Variants in MCC observed in about 807,000 individuals in gnomAD.
MCC encodes the protein colorectal mutant cancer protein.
MCC carries 90 observed loss-of-function variants against 116.2 expected under a neutral mutation model. The observed-to-expected ratio is 0.77, with a 90% CI of 0.65 to 0.92. The LOEUF (loss-of-function observed/expected upper bound fraction) is 0.92, where lower values mean the gene tolerates loss of function less well. Ranked by LOEUF, MCC falls within the 40% of genes least tolerant of loss-of-function variation. The probability of loss-of-function intolerance (pLI) is 0.00; values close to 1 mark genes in which losing one functional copy is unlikely to be tolerated. For synonymous variants in MCC, 578 were observed against 510.5 expected (o/e 1.13, Z -1.78); for missense variants, 1,516 against 1,312.2 (o/e 1.16, Z -2.40).
chr5:113,305,835 G>A (rs889942251), intron 3 of MCC, among the ~76,000 whole-genome samples: 2 of 152,094 alleles, frequency 1.3e-5, no homozygotes, highest in Non-Finnish European at 2.9e-5. Context: ...TCACAGAGTT[G>A]TGCAGCCATC....
At chr5:113,203,877 T>G (rs778131346) in intron 3 of MCC, among the ~76,000 whole-genome samples, 11 of 152,118 alleles carry the variant, frequency 7.2e-5, no homozygotes, top group Non-Finnish European at 1.3e-4. Context: ...ACATAATAAT[T>G]TATAAGAAGG....
chr5:113,061,503 A>C (rs1228715454), intron 14 of MCC, among the ~76,000 whole-genome samples: 1 of 152,096 alleles, frequency 6.6e-6, no homozygotes, highest in African/African-American at 2.4e-5. Flanking sequence ...TGTCCATAAG[A>C]CTATTATACT....
At chr5:113,137,962 T>A (rs1758938343) in intron 5 of MCC, among the ~76,000 whole-genome samples, 1 of 151,914 alleles carries the variant, frequency 6.6e-6, no homozygotes, top group Non-Finnish European at 1.5e-5. Flanking sequence ...CATTACCCTG[T>A]AGCTATAAGG....
Position 113,126,907 on chromosome 5 carries a change from A to G in MCC, c.885-4081T>C, listed in dbSNP as rs1758084522. 2.0e-5 allele frequency among the ~76,000 whole-genome samples: 3 copies of G among 151,984 alleles called. No homozygotes were observed. The South Asian group carries it at 6.3e-4, about 32-fold the overall frequency. ...ACTCTTATTTTAGGTTCATGAGTAC[A>G]TGTGAGGGTTTGTTACGCAGGTAAA... On this transcript the variant is annotated intron_variant, in intron 5 of 18. Transcript: ENST00000408903.
chr5:113,024,980 G>A lies in MCC; in HGVS notation c.*2322C>T, dbSNP rs1459061201. On this transcript the variant is annotated 3_prime_UTR_variant, in exon 19 of 19. Coordinates refer to ENST00000408903, the MANE Select transcript of MCC (RefSeq NM_001085377.2). ...AAGGTCAGGTAGCATGAGTAAAACT[G>A]GGGCCCTTAACAGGAGCTGGAGCCG... 2 of 151,828 alleles carry A rather than the reference G, an allele frequency of 1.3e-5. No homozygotes were observed. The highest frequency in any genetic ancestry group is 2.9e-5 in the Non-Finnish European group (2 of 68,006). 9.4% of individuals were successfully genotyped at this position (151,828 alleles called of 1,614,324 possible).
chr5:113,471,077 T>G lies in MCC; in HGVS notation c.170+17168A>C, dbSNP rs553369806. Among the ~76,000 whole-genome samples the G allele has an allele frequency of 2.3e-4, 35 of 152,298 alleles. No individual in the cohort carries two copies. In the South Asian group the frequency reaches 7.1e-3, roughly 31 times the overall value. On this transcript the variant is annotated intron_variant, in intron 1 of 18. Transcript: ENST00000408903. ...TGCGTTGGTTATTCTAGTTATCCAT[T>G]CATCTAATTTTTTTTCAAAGCTTTT... is the stretch of plus-strand genomic sequence containing the variant.
chr5:113,401,990 T>C (rs1769700328), intron 1 of MCC, among the ~76,000 whole-genome samples: 1 of 151,436 alleles, frequency 6.6e-6, no homozygotes, highest in Non-Finnish European at 1.5e-5. Flanking sequence ...GGTAGGACTA[T>C]GGGGGCACAA....
intron 3 of MCC, among the ~76,000 whole-genome samples, chr5:113,335,114 C>T (rs1362996400): frequency 6.6e-6 from 1 of 151,706 alleles, no homozygotes. Context: ...AGCTAGCACA[C>T]ATCCTCTAGA....
At chr5:113,118,720 T>C (rs1006951756) in intron 6 of MCC, among the ~76,000 whole-genome samples, 6 of 152,222 alleles carry the variant, frequency 3.9e-5, no homozygotes, top group East Asian at 1.9e-4. Flanking sequence ...GGTGCTTACA[T>C]ATGGAAGCTT....
chr5:113,056,531 C>T (rs1168799539), intron 14 of MCC, among the ~76,000 whole-genome samples: 17 of 152,098 alleles, frequency 1.1e-4, no homozygotes, highest in Admixed American at 8.5e-4. Flanking sequence ...GATGAGAACA[C>T]ATGAACACAA....
intron 3 of MCC, among the ~76,000 whole-genome samples, chr5:113,202,733 T>C (rs1210109601): frequency 1.3e-5 from 2 of 149,996 alleles, no homozygotes; most frequent in Admixed American, 1.3e-4. Context: ...AGCTCCCCCA[T>C]ATACCTTCTA....
chr5:113,180,698 T>G (rs1761582975), intron 3 of MCC, among the ~76,000 whole-genome samples: 1 of 152,160 alleles, frequency 6.6e-6, no homozygotes. Context: ...ATATGTTAGA[T>G]CTCAGCAGTA....
chr5:113,035,060 T>C (rs1751237784), intron 17 of MCC, among the ~76,000 whole-genome samples: 1 of 152,236 alleles, frequency 6.6e-6, no homozygotes, highest in Admixed American at 6.5e-5. Context: ...TCTCTGGACT[T>C]GTCTGTTTGC....
At chr5:113,097,650 C>G (rs1756109165) in intron 8 of MCC, among the ~76,000 whole-genome samples, 1 of 152,130 alleles carries the variant, frequency 6.6e-6, no homozygotes, top group Non-Finnish European at 1.5e-5. Context: ...GGACTATGGC[C>G]AAATGAGGCT....
At chr5:113,256,567 A>T (rs534266105) in intron 3 of MCC, among the ~76,000 whole-genome samples, 29 of 152,312 alleles carry the variant, frequency 1.9e-4, no homozygotes, top group African/African-American at 6.7e-4. Flanking sequence ...TATTCAAGAA[A>T]CGTCAAGTTC....
chr5:113,281,599 A>G (rs1172858721), intron 3 of MCC, among the ~76,000 whole-genome samples: 1 of 152,188 alleles, frequency 6.6e-6, no homozygotes, highest in African/African-American at 2.4e-5. Context: ...ATTTAAAAGG[A>G]ATTAGTATTG....
At chr5:113,197,531 T>C (rs1450434712) in intron 3 of MCC, among the ~76,000 whole-genome samples, 1 of 152,136 alleles carries the variant, frequency 6.6e-6, no homozygotes. Flanking sequence ...AATCATAAAG[T>C]AAAATAAGCT....
chr5:113,244,824 A>G (rs1764509746), intron 3 of MCC, among the ~76,000 whole-genome samples: 1 of 152,244 alleles, frequency 6.6e-6, no homozygotes, highest in African/African-American at 2.4e-5. Flanking sequence ...AGATCTATAT[A>G]TTTGTATAAG....
At chr5:113,309,861 C>T (rs987635597) in intron 3 of MCC, among the ~76,000 whole-genome samples, 3 of 151,384 alleles carry the variant, frequency 2.0e-5, no homozygotes, top group African/African-American at 4.9e-5. Context: ...TTCCTCCCTC[C>T]CTCTCGCCCT....
Sources: gnomAD v4.1 joint callset for allele counts (sites outside exome capture counted in the v4.1 genomes callset) on GRCh38, gnomAD v4.1.1 for gene constraint, MANE v1.5 for transcripts, NCBI Gene and HGNC (gene_info 2026-07-23, HGNC 2026-07-21) for gene names.